The following GALNT13 variants were observed in gnomAD, a reference collection of about 807,000 sequenced individuals.
GALNT13 encodes the protein UDP-GalNAc:polypeptide N-acetylgalactosaminyltransferase 13.
Under a neutral mutation model 64.2 loss-of-function variants are expected in GALNT13, and 28 were observed. That is an observed-to-expected ratio of 0.44 (90% confidence interval 0.32 to 0.60). GALNT13 has a LOEUF of 0.60. Ranked by LOEUF, GALNT13 falls within the 20% of genes least tolerant of loss-of-function variation. GALNT13 has a pLI of 0.05. For missense variants in GALNT13, 577 were observed against 669.8 expected (o/e 0.86, Z 1.53); for synonymous variants, 214 against 224.6 (o/e 0.95, Z 0.42).
chr2:154,352,677 T>C (rs959973823), intron 9 of GALNT13, among the ~76,000 whole-genome samples: 1 of 152,220 alleles, frequency 6.6e-6, no homozygotes, highest in African/African-American at 2.4e-5. Flanking sequence ...ATTCTTCTTA[T>C]ACTGTGGTCA....
At chr2:154,140,541 A>T in intron 4 of GALNT13, 36 bp downstream of exon 4, 1 of 1,381,306 alleles carries the variant, frequency 7.2e-7, no homozygotes, top group Non-Finnish European at 1.0e-6. Context: ...TTTTATATTC[A>T]TAATCACCAT....
At chr2:153,479,547 C>T in the GALNT13 span, among the ~76,000 whole-genome samples, 583 of 152,194 alleles carry the variant, frequency 3.8e-3, 3 homozygotes, top group Non-Finnish European at 5.9e-3. Context: ...GCAGGGTCAC[C>T]TCTCTGGTAA....
the GALNT13 span, among the ~76,000 whole-genome samples, chr2:153,863,768 T>G: frequency 0.1 from 15,885 of 152,172 alleles, 1,034 homozygotes; most frequent in African/African-American, 0.17. Context: ...CTATGTACTA[T>G]GTGCCAGATA....
chr2:154,236,198 A>G lies in GALNT13; in HGVS notation c.312-5832A>G, dbSNP rs1209741957. The G allele has an allele frequency of 4.8e-6, 5 of 1,042,230 alleles. No individual in the cohort carries two copies. In the East Asian group the frequency reaches 2.1e-4, roughly 44 times the overall value. The allele number at this position is 1,042,230 out of a possible 1,614,324, so 64.6% of individuals were successfully genotyped here. On this transcript the variant is annotated intron_variant, in intron 4 of 12. Transcript: ENST00000392825. ...ACATAAAGGTAATCTTCCTACTTTT[A>G]TAAGATATAAACACACAAAGAGATG...
At chr2:153,074,016 G>T in the GALNT13 span, among the ~76,000 whole-genome samples, 1 of 152,088 alleles carries the variant, frequency 6.6e-6, no homozygotes, top group Non-Finnish European at 1.5e-5. Context: ...ATATGTAGAG[G>T]CTTGATCAGA....
chr2:153,759,878 T>C, the GALNT13 span, among the ~76,000 whole-genome samples: 3 of 152,280 alleles, frequency 2.0e-5, no homozygotes, highest in East Asian at 5.8e-4. Context: ...GATGGATTTA[T>C]ATTAGTTCTC....
intron 2 of GALNT13, among the ~76,000 whole-genome samples, chr2:153,917,322 G>A (rs905997512): frequency 1.3e-5 from 2 of 151,972 alleles, no homozygotes; most frequent in African/African-American, 4.8e-5. Context: ...TTATATGCCT[G>A]CATTACTGCT....
the GALNT13 span, among the ~76,000 whole-genome samples, chr2:153,071,439 A>G: frequency 6.6e-6 from 1 of 152,216 alleles, no homozygotes; most frequent in Admixed American, 6.5e-5. Flanking sequence ...CAACAAGGAG[A>G]AGAGTGAAGC....
chr2:153,874,862 C>G (rs1686249174), intron 1 of GALNT13, among the ~76,000 whole-genome samples: 1 of 152,064 alleles, frequency 6.6e-6, no homozygotes, highest in Non-Finnish European at 1.5e-5. Flanking sequence ...TTAACACAGT[C>G]ATTGCAGAAT....
intron 9 of GALNT13, among the ~76,000 whole-genome samples, chr2:154,379,651 A>T (rs969529490): frequency 6.6e-6 from 1 of 152,056 alleles, no homozygotes; most frequent in African/African-American, 2.4e-5. Flanking sequence ...GTGTTCTTAA[A>T]TATTGAAACT....
chr2:153,415,879 CAG>C, the GALNT13 span, among the ~76,000 whole-genome samples: 3 of 152,012 alleles, frequency 2.0e-5, no homozygotes, highest in Non-Finnish European at 4.4e-5. Flanking sequence ...TTTCTATAAT[CAG>C]AAAAGAATTA....
the GALNT13 span, among the ~76,000 whole-genome samples, chr2:153,117,016 G>A: frequency 1.3e-5 from 2 of 151,858 alleles, no homozygotes; most frequent in Non-Finnish European, 2.9e-5. Flanking sequence ...AGCCAGGATG[G>A]TCTCGATCTC....
chr2:153,303,550 T>C, the GALNT13 span, among the ~76,000 whole-genome samples: 1 of 152,188 alleles, frequency 6.6e-6, no homozygotes, highest in Non-Finnish European at 1.5e-5. Context: ...TTCTTTCTCT[T>C]GCCTATTTTC....
the GALNT13 span, among the ~76,000 whole-genome samples, chr2:153,436,673 T>C: frequency 3.3e-5 from 5 of 152,220 alleles, no homozygotes; most frequent in African/African-American, 1.2e-4. Context: ...TCGGTGGTGA[T>C]ATCCTCTTTA....
intron 9 of GALNT13, among the ~76,000 whole-genome samples, chr2:154,334,625 A>G (rs941420098): frequency 1.3e-5 from 2 of 151,858 alleles, no homozygotes; most frequent in Non-Finnish European, 2.9e-5. Flanking sequence ...CTCAGTTACA[A>G]ACTTTCTAGC....
chr2:154,189,680 A>G (rs1484987252), intron 4 of GALNT13, among the ~76,000 whole-genome samples: 1 of 149,138 alleles, frequency 6.7e-6, no homozygotes, highest in Non-Finnish European at 1.5e-5. Context: ...TTTACATAGA[A>G]AAAAAAAAAG....
the GALNT13 span, among the ~76,000 whole-genome samples, chr2:153,397,460 A>G: frequency 6.6e-6 from 1 of 152,114 alleles, no homozygotes; most frequent in Admixed American, 6.6e-5. Context: ...ATGAAAACCA[A>G]TGAGACCACA....
At chr2:153,713,200 A>G in the GALNT13 span, among the ~76,000 whole-genome samples, 1 of 152,230 alleles carries the variant, frequency 6.6e-6, no homozygotes, top group Non-Finnish European at 1.5e-5. Context: ...GGTACCTCCA[A>G]AAATACTTTT....
the GALNT13 span, among the ~76,000 whole-genome samples, chr2:153,313,740 A>G: frequency 6.6e-6 from 1 of 152,206 alleles, no homozygotes; most frequent in Non-Finnish European, 1.5e-5. Context: ...TTTTGCTTAA[A>G]TTTTATAACT....
Sources: allele counts gnomAD v4.1 joint callset (sites outside exome capture counted in the v4.1 genomes callset), GRCh38; gene constraint gnomAD v4.1.1; transcripts MANE v1.5; gene names NCBI Gene and HGNC (gene_info 2026-07-23, HGNC 2026-07-21).